PTPRG: variants seen among roughly 807,000 people sequenced by gnomAD.
PTPRG encodes the protein protein tyrosine phosphatase receptor type G, also known as receptor-type tyrosine-protein phosphatase gamma.
PTPRG carries 102 observed loss-of-function variants against 165.3 expected under a neutral mutation model. The ratio of observed to expected loss-of-function variants is 0.62; its 90% CI spans 0.53 to 0.73. The LOEUF (loss-of-function observed/expected upper bound fraction) is 0.73, where lower values mean the gene tolerates loss of function less well. Ranked by LOEUF, PTPRG falls within the 30% of genes least tolerant of loss-of-function variation. PTPRG has a pLI of 0.00. For missense variants in PTPRG, 1,866 were observed against 1,861.4 expected, an observed-to-expected ratio of 1.00 and a Z score of -0.05; for synonymous variants, 675 against 669.5, an observed-to-expected ratio of 1.01 and a Z score of -0.13.
intron 2 of PTPRG, among the ~76,000 whole-genome samples, chr3:61,936,122 G>A (rs2039478448): frequency 6.6e-6 from 1 of 152,202 alleles, no homozygotes; most frequent in African/African-American, 2.4e-5. Context: ...CATCTTGGAA[G>A]CAGAGAACAG....
rs911008866 is a variant in PTPRG at position 62,224,794 on chromosome 3, T to G, written c.2288+5811T>G. ...GCAACATGGATCTGTGGGGAGACATTTATTCTAAAATGTTTTTAGCTGAGC... is the reference window on the plus strand; with the variant it reads ...GCAACATGGATCTGTGGGGAGACATGTATTCTAAAATGTTTTTAGCTGAGC... On this transcript the variant is annotated intron_variant, in intron 13 of 29. Coordinates refer to ENST00000474889, the MANE Select transcript of PTPRG (RefSeq NM_002841.4). The surrounding 1 kb of genome is among the most constrained non-coding windows in gnomAD (Gnocchi z 4.9). Among the ~76,000 whole-genome samples the G allele has an allele frequency of 2.0e-5, 3 of 152,158 alleles. No homozygotes were observed. Among genetic ancestry groups the G allele is most frequent in the African/African-American group, 7.2e-5 (3 of 41,426 alleles).
At chr3:61,990,841 T>C (rs1488081516) in intron 3 of PTPRG, among the ~76,000 whole-genome samples, 1 of 151,696 alleles carries the variant, frequency 6.6e-6, no homozygotes, top group African/African-American at 2.4e-5. Context: ...CATGCTGGGC[T>C]AAAATGACTT....
At chr3:61,663,424 C>T (rs1702720786) in intron 1 of PTPRG, among the ~76,000 whole-genome samples, 1 of 152,102 alleles carries the variant, frequency 6.6e-6, no homozygotes, top group South Asian at 2.1e-4. Context: ...CTGCTCTGTA[C>T]AGTGGGGATA....
rs1559583106 is a variant in PTPRG, at chr3:61,738,273, T to TACAC, written c.86-10604_86-10603insCACA. On this transcript the variant is annotated intron_variant, in intron 1 of 29. Transcript: ENST00000474889. ...TTGTCCATTTTTATATATATATATA[T>TACAC]ATATACATATATATATATATATATA... is the stretch of plus-strand genomic sequence containing the variant. 1.1e-3 allele frequency among the ~76,000 whole-genome samples: 68 copies of TACAC among 63,662 alleles called. 3 individuals carry two copies. In the East Asian group the frequency reaches 0.014, roughly 13 times the overall value. The allele number at this position is 63,662 out of a possible 152,430, so 41.8% of individuals were successfully genotyped here. A position where few individuals can be genotyped will look rare whatever the true frequency, so the allele number is the denominator to read the frequency against.
In PTPRG at chr3:62,217,137, A is replaced by C. The variant is rs901926030; in HGVS notation, c.2156-1714A>C. ...CCCTCGCACCAGGCCTGTGCACAGT[A>C]GGGGCTTGGTAAGAATCTCTCCTAT... On this transcript the variant is annotated intron_variant, in intron 12 of 29. Coordinates refer to ENST00000474889, the MANE Select transcript of PTPRG (RefSeq NM_002841.4). This position sits in a 1 kb window ranked among gnomAD's most constrained non-coding sequence, Gnocchi z 4.3. 3.3e-5 allele frequency among the ~76,000 whole-genome samples: 5 copies of C among 152,214 alleles called. No homozygotes were observed. The highest frequency in any genetic ancestry group is 7.3e-5 in the Non-Finnish European group (5 of 68,036).
chr3:61,976,190 T>C (rs1163096289), intron 2 of PTPRG, among the ~76,000 whole-genome samples: 2 of 152,230 alleles, frequency 1.3e-5, no homozygotes, highest in African/African-American at 4.8e-5. Flanking sequence ...TGAGGATTCA[T>C]AATAGATTGA....
chr3:62,055,692 T>C (rs1035779099), intron 4 of PTPRG, among the ~76,000 whole-genome samples: 2 of 152,208 alleles, frequency 1.3e-5, no homozygotes, highest in African/African-American at 4.8e-5. Flanking sequence ...CTTTTGTGCT[T>C]TTGCTCTTAG....
intron 13 of PTPRG, among the ~76,000 whole-genome samples, chr3:62,223,824 C>T (rs1700702969): frequency 6.6e-6 from 1 of 152,020 alleles, no homozygotes; most frequent in South Asian, 2.1e-4. Flanking sequence ...GAATTTTGTC[C>T]TTTAAATGTC....
chr3:61,672,786 A>AAGAGG (rs1703076935), intron 1 of PTPRG, among the ~76,000 whole-genome samples: 1 of 125,702 alleles, frequency 8.0e-6, no homozygotes, highest in African/African-American at 3.2e-5. Context: ...AGAGAGGGAG[A>AAGAGG]GAGAGGGAGA....
At chr3:61,707,559 C>G (rs186359857) in intron 1 of PTPRG, among the ~76,000 whole-genome samples, 9 of 152,298 alleles carry the variant, frequency 5.9e-5, no homozygotes, top group African/African-American at 1.9e-4. Flanking sequence ...GAAGGTTAGA[C>G]TTTGTATTCT....
At chr3:61,809,907 T>C (rs1248671142) in intron 2 of PTPRG, among the ~76,000 whole-genome samples, 2 of 152,184 alleles carry the variant, frequency 1.3e-5, no homozygotes, top group African/African-American at 2.4e-5. Flanking sequence ...TTCCCCCAGC[T>C]CCTGTATCAG....
intron 2 of PTPRG, among the ~76,000 whole-genome samples, chr3:61,817,069 A>G (rs1018263175): frequency 7.5e-6 from 1 of 133,194 alleles, no homozygotes; most frequent in African/African-American, 2.8e-5. Context: ...TATATAATAC[A>G]TATATTATAT....
intron 4 of PTPRG, among the ~76,000 whole-genome samples, chr3:62,029,229 T>C (rs1042028651): frequency 6.6e-6 from 1 of 152,188 alleles, no homozygotes; most frequent in Non-Finnish European, 1.5e-5. Context: ...GTGTATCTTC[T>C]GGACACAGTT....
At chr3:62,253,559 C>T (rs2106980318) in intron 15 of PTPRG, among the ~76,000 whole-genome samples, 1 of 152,266 alleles carries the variant, frequency 6.6e-6, no homozygotes, top group South Asian at 2.1e-4. Flanking sequence ...TTCATTGCCA[C>T]TGATCATTAT....
At chr3:61,575,853 T>C (rs1358604833) in intron 1 of PTPRG, among the ~76,000 whole-genome samples, 1 of 152,176 alleles carries the variant, frequency 6.6e-6, no homozygotes, top group Non-Finnish European at 1.5e-5. Flanking sequence ...TCAGGTGATG[T>C]GCCTTCATCG....
intron 2 of PTPRG, among the ~76,000 whole-genome samples, chr3:61,822,925 C>G (rs577273405): frequency 6.6e-6 from 1 of 152,282 alleles, no homozygotes; most frequent in Admixed American, 6.5e-5. Flanking sequence ...CCGATGGTGA[C>G]TTGAAAACAC....
In PTPRG at chr3:62,273,227, C is replaced by G. The variant is rs550621004; in HGVS notation, c.3318+146C>G. On this transcript the variant is annotated intron_variant, in intron 22 of 29. Transcript: ENST00000474889. This position sits in a 1 kb window ranked among gnomAD's most constrained non-coding sequence, Gnocchi z 4.1. ...ATTAGAAGATATTCTGACAATGATC[C>G]TATTCTACGGATCACAGTTTTCCAT... The G allele has an allele frequency of 8.3e-6, 8 of 958,164 alleles. No homozygotes were observed. The Admixed American group carries it at 1.3e-4, about 16-fold the overall frequency. 59.4% of individuals were successfully genotyped at this position (958,164 alleles called of 1,614,324 possible). A position where few individuals can be genotyped will look rare whatever the true frequency, so the allele number is the denominator to read the frequency against.
chr3:62,146,784 C>T (rs892375168), intron 6 of PTPRG, among the ~76,000 whole-genome samples: 3 of 152,108 alleles, frequency 2.0e-5, no homozygotes, highest in South Asian at 2.1e-4. Flanking sequence ...TGAAAGCATC[C>T]GTAGACAATG....
rs147796562 is a variant in PTPRG, at chr3:62,184,852, C to G, written c.1034-6617C>G. 1.8e-4 allele frequency among the ~76,000 whole-genome samples: 27 copies of G among 152,336 alleles called. No individual in the cohort carries two copies. The East Asian group carries it at 5.2e-3, about 29-fold the overall frequency. On this transcript the variant is annotated intron_variant, in intron 8 of 29. Transcript: ENST00000474889. ...TAGTACTGTCTCTTTGACTCCTGAT[C>G]AATATTTGGCCAGTTGCGTCGGGTG...
Sources: gnomAD v4.1 joint callset for allele counts (sites outside exome capture counted in the v4.1 genomes callset) on GRCh38, gnomAD v4.1.1 for gene constraint, Gnocchi (gnomAD v3.1) non-coding constraint, MANE v1.5 for transcripts, NCBI Gene and HGNC (gene_info 2026-07-23, HGNC 2026-07-21) for gene names.